Variants in POU2F2 observed in about 807,000 individuals in gnomAD.
POU2F2 encodes the protein POU class 2 homeobox 2, also known as POU domain, class 2, transcription factor 2.
Under a neutral mutation model 63.5 loss-of-function variants are expected in POU2F2, and 14 were observed. That is an observed-to-expected ratio of 0.22 (90% CI 0.15 to 0.34). POU2F2 has a LOEUF of 0.34. POU2F2 is among the 10% of genes least tolerant of loss of function. POU2F2 has a pLI of 1.00. For missense variants in POU2F2, 607 were observed against 815.2 expected (o/e 0.74, Z 3.11); for synonymous variants, 306 against 348.6 (o/e 0.88, Z 1.36).
chr19:42,142,468 G>A (rs2034147372), intron 2 of POU2F2, among the ~76,000 whole-genome samples: 1 of 152,102 alleles, frequency 6.6e-6, no homozygotes, highest in Non-Finnish European at 1.5e-5. Flanking sequence ...GGGATTACAG[G>A]CATGAGCCAC....
chr19:42,142,146 T>C (rs1216749368), intron 2 of POU2F2, among the ~76,000 whole-genome samples: 5 of 152,258 alleles, frequency 3.3e-5, no homozygotes, highest in Non-Finnish European at 2.9e-5. Flanking sequence ...AAAAATGGTC[T>C]GGAAGGTAAC....
chr19:42,138,407 G>A (rs1451523319), intron 2 of POU2F2, among the ~76,000 whole-genome samples: 1 of 152,148 alleles, frequency 6.6e-6, no homozygotes, highest in African/African-American at 2.4e-5. Context: ...AAGGGCAGGA[G>A]GTGGGAAACA....
At chr19:42,139,307 G>A (rs990897282) in intron 2 of POU2F2, among the ~76,000 whole-genome samples, 3 of 152,102 alleles carry the variant, frequency 2.0e-5, no homozygotes, top group Non-Finnish European at 2.9e-5. Flanking sequence ...GTGACAGAGC[G>A]AGACTGTCTC....
rs1300245200 is a variant in POU2F2, at chr19:42,153,132, C to T, written c.-9+7200G>A. On this transcript the variant is annotated intron_variant, in intron 2 of 6. Coordinates refer to the POU2F2 transcript ENST00000524801. This position sits in a 1 kb window ranked among gnomAD's most constrained non-coding sequence, Gnocchi z 5.6. The stretch of plus-strand genomic sequence containing the variant: ...GTGTGGTTGGGGTGGGAAGCTTGTG[C>T]GGCTTCGGACAGGAGGTTCCAGCGA... Among the ~76,000 whole-genome samples, 2 of 152,198 alleles carry T rather than the reference C, an allele frequency of 1.3e-5. No individual in the cohort carries two copies. The highest frequency in any genetic ancestry group is 6.5e-5 in the Admixed American group (1 of 15,280).
chr19:42,197,433 G>A (rs935692274), upstream of POU2F2, among the ~76,000 whole-genome samples: 2 of 152,096 alleles, frequency 1.3e-5, no homozygotes, highest in African/African-American at 2.4e-5. Context: ...TAGGACTCAC[G>A]ACTAGACTTT....
chr19:42,182,878 C>G (rs578221670), intron 1 of POU2F2, among the ~76,000 whole-genome samples: 1 of 152,206 alleles, frequency 6.6e-6, no homozygotes, highest in South Asian at 2.1e-4. Flanking sequence ...TTCCAAAGAC[C>G]AGGAGGAGGC....
Position 42,155,346 on chromosome 19 carries a change from G to A in POU2F2, c.-9+4986C>T, listed in dbSNP as rs1599681634. On this transcript the variant is annotated intron_variant, in intron 2 of 6. Coordinates refer to the POU2F2 transcript ENST00000524801. This position sits in a 1 kb window ranked among gnomAD's most constrained non-coding sequence, Gnocchi z 4.2. ...CCTCTTTGCTCCTCTCCGTTGCTCT[G>A]TTCCCCTCTCTGTGTTTCTGTCATG... Among the ~76,000 whole-genome samples, 1 of 152,178 alleles carries A rather than the reference G, an allele frequency of 6.6e-6. No homozygotes were observed. Among genetic ancestry groups the A allele is most frequent in the Non-Finnish European group, 1.5e-5 (1 of 68,002 alleles).
chr19:42,134,073 T>A (rs1055553275), upstream of POU2F2, among the ~76,000 whole-genome samples: 2 of 152,166 alleles, frequency 1.3e-5, no homozygotes, highest in African/African-American at 4.8e-5. Flanking sequence ...GCCACAGGAT[T>A]TCTATACATG....
rs55947953 is a variant in POU2F2, at chr19:42,182,242, AAGAGAGAGAGAGAGAGAGAG to A, written c.-70+14121_-70+14140del. 3.4e-3 allele frequency among the ~76,000 whole-genome samples: 432 copies of A among 125,998 alleles called. 3 individuals carry two copies. Among genetic ancestry groups the A allele is most frequent in the African/African-American group, 0.013 (416 of 32,790 alleles). The allele number at this position is 125,998 out of a possible 152,430, so 82.7% of individuals were successfully genotyped here. A position where few individuals can be genotyped will look rare whatever the true frequency, so the allele number is the denominator to read the frequency against. ...GCGATAGAGCAAGACTCTGTCTCAA[AAGAGAGAGAGAGAGAGAGAG>A]AGAGAGAGAGAGAGAGAGACCTGGA... On this transcript the variant is annotated intron_variant, in intron 1 of 5. Coordinates refer to the POU2F2 transcript ENST00000532176.
At position 42,162,077 on chromosome 19, in the gene POU2F2, G is replaced by A. The variant is rs193192059; in HGVS notation, c.-69-1685C>T. 6.6e-6 allele frequency among the ~76,000 whole-genome samples: 1 copy of A among 152,272 alleles called. No homozygotes were observed. Among genetic ancestry groups the A allele is most frequent in the East Asian group, 1.9e-4 (1 of 5,158 alleles). On this transcript the variant is annotated intron_variant, in intron 1 of 6. Transcript: ENST00000524801. This position sits in a 1 kb window ranked among gnomAD's most constrained non-coding sequence, Gnocchi z 4.1. ...GGTGTAAGTGATGGGGTGGGCGAGG[G>A]AATCCCCAGGCCTCGGGGGGGCCAG...
In POU2F2 at chr19:42,155,338, G is replaced by A. The variant is rs896637959; in HGVS notation, c.-9+4994C>T. Among the ~76,000 whole-genome samples the A allele has an allele frequency of 2.6e-5, 4 of 152,054 alleles. No individual in the cohort carries two copies. The highest frequency in any genetic ancestry group is 4.4e-5 in the Non-Finnish European group (3 of 67,998). On this transcript the variant is annotated intron_variant, in intron 2 of 6. Coordinates refer to the POU2F2 transcript ENST00000524801. The surrounding 1 kb of genome is among the most constrained non-coding windows in gnomAD (Gnocchi z 4.2). ...TTCCTCTTCCTCTTTGCTCCTCTCC[G>A]TTGCTCTGTTCCCCTCTCTGTGTTT...
At chr19:42,125,361 C>CAAAA (rs397956774) in intron 1 of POU2F2, among the ~76,000 whole-genome samples, 1 of 9,330 alleles carries the variant, frequency 1.1e-4, no homozygotes, top group African/African-American at 3.3e-4. Flanking sequence ...GACTCTGTCT[C>CAAAA]AAAAAAAAAA....
At chr19:42,113,765 C>G (rs888297599) in intron 5 of POU2F2, among the ~76,000 whole-genome samples, 1 of 152,174 alleles carries the variant, frequency 6.6e-6, no homozygotes, top group Non-Finnish European at 1.5e-5. Context: ...TGTGGAATGA[C>G]TGCAGGATCA....
At position 42,149,066 on chromosome 19, in the gene POU2F2, T is replaced by C. The variant is rs904944498; in HGVS notation, c.-9+11266A>G. ...ACCATGTTCCCCAGCCTGAAGATCCTGCCCTCAACTCCCTCCCTAGGAGAC... is the reference window on the plus strand; with the variant it reads ...ACCATGTTCCCCAGCCTGAAGATCCCGCCCTCAACTCCCTCCCTAGGAGAC... On this transcript the variant is annotated intron_variant, in intron 2 of 6. Transcript: ENST00000524801. 1.5e-4 allele frequency among the ~76,000 whole-genome samples: 23 copies of C among 152,222 alleles called. 1 individual carries two copies. In the South Asian group the frequency reaches 3.7e-3, roughly 25 times the overall value.
intron 2 of POU2F2, among the ~76,000 whole-genome samples, chr19:42,146,746 T>C (rs1392521053): frequency 1.3e-5 from 2 of 152,174 alleles, no homozygotes; most frequent in Non-Finnish European, 2.9e-5. Flanking sequence ...ATGGAGAACA[T>C]TAAATATAAG....
At position 42,184,220 on chromosome 19, in the gene POU2F2, C is replaced by G. The variant is rs139204253; in HGVS notation, c.-70+12163G>C. 5.9e-5 allele frequency among the ~76,000 whole-genome samples: 9 copies of G among 152,226 alleles called. No homozygotes were observed. In the East Asian group the frequency reaches 1.7e-3, roughly 29 times the overall value. On this transcript the variant is annotated intron_variant, in intron 1 of 5. Coordinates refer to the POU2F2 transcript ENST00000532176. The stretch of plus-strand genomic sequence containing the variant: ...TTGCACAGCCTGGTCTTGAACTCCT[C>G]GGCTTAAGCGATCTACTGGCCTTGA...
intron 1 of POU2F2, among the ~76,000 whole-genome samples, chr19:42,167,593 C>T (rs1191150157): frequency 6.6e-6 from 1 of 152,174 alleles, no homozygotes; most frequent in African/African-American, 2.4e-5. Context: ...GTTTAAGGAA[C>T]AGCAAGAAGG....
intron 1 of POU2F2, among the ~76,000 whole-genome samples, chr19:42,127,799 C>G (rs1180908413): frequency 6.6e-6 from 1 of 152,114 alleles, no homozygotes; most frequent in African/African-American, 2.4e-5. Flanking sequence ...CTGACTGTAG[C>G]TAGCCGGGCC....
rs191683934 is a variant in POU2F2, at chr19:42,131,462, G to A, written c.28+922C>T. 2.6e-5 allele frequency among the ~76,000 whole-genome samples: 4 copies of A among 152,224 alleles called. No homozygotes were observed. In the East Asian group the frequency reaches 5.8e-4, roughly 22 times the overall value. On this transcript the variant is annotated intron_variant, in intron 1 of 14. Coordinates refer to ENST00000692977, the MANE Select transcript of POU2F2 (RefSeq NM_001394376.1). ...AGCCACAAATGAAACAGGCATGAAG[G>A]GCTGAGTGCTTGCCATGTTCCAGGC...
Sources: allele counts gnomAD v4.1 joint callset (sites outside exome capture counted in the v4.1 genomes callset), GRCh38; gene constraint gnomAD v4.1.1; non-coding constraint Gnocchi (gnomAD v3.1); transcripts MANE v1.5; gene names NCBI Gene and HGNC (gene_info 2026-07-23, HGNC 2026-07-21).